SMYD3: variants seen among roughly 807,000 people sequenced by gnomAD.
SMYD3 encodes the protein histone-lysine N-methyltransferase SMYD3.
Under a neutral mutation model 57.7 loss-of-function variants are expected in SMYD3, and 36 were observed. The observed-to-expected ratio is 0.62, with a 90% CI of 0.48 to 0.82. SMYD3 has a LOEUF of 0.82. Among genes scored for constraint, SMYD3 ranks in the 40% least tolerant of loss-of-function variants. SMYD3 has a pLI of 0.00. For synonymous variants in SMYD3, 211 were observed against 195.0 expected, an observed-to-expected ratio of 1.08 and a Z score of -0.68; for missense variants, 515 against 538.8, an observed-to-expected ratio of 0.96 and a Z score of 0.44.
At chr1:245,971,363 G>A (rs57460672) in intron 5 of SMYD3, among the ~76,000 whole-genome samples, 24,486 of 152,002 alleles carry the variant, frequency 0.16, 3,034 homozygotes, top group African/African-American at 0.34. Flanking sequence ...GTTGATGGGT[G>A]CAGCAAACCA....
At chr1:245,783,490 G>C (rs2046913745) in intron 10 of SMYD3, among the ~76,000 whole-genome samples, 3 of 152,000 alleles carry the variant, frequency 2.0e-5, no homozygotes, top group South Asian at 2.1e-4. Context: ...GGGAGAAAAA[G>C]CAAGGATGGC....
intron 5 of SMYD3, among the ~76,000 whole-genome samples, chr1:245,981,565 A>G (rs1201837522): frequency 6.6e-6 from 1 of 152,244 alleles, no homozygotes; most frequent in East Asian, 1.9e-4. Flanking sequence ...AACCCAAAAC[A>G]GCTGTCAGAA....
intron 1 of SMYD3, among the ~76,000 whole-genome samples, chr1:246,362,788 C>T (rs1188553299): frequency 6.6e-6 from 1 of 152,240 alleles, no homozygotes; most frequent in East Asian, 1.9e-4. Context: ...GGCTGGAGTG[C>T]AGTGGCGTGA....
At chr1:246,452,671 C>A (rs1417759240) in intron 1 of SMYD3, among the ~76,000 whole-genome samples, 1 of 152,024 alleles carries the variant, frequency 6.6e-6, no homozygotes, top group Non-Finnish European at 1.5e-5. Context: ...ATACAAGCAA[C>A]CATATAAGTA....
chr1:245,843,570 G>C (rs887792357), intron 10 of SMYD3, among the ~76,000 whole-genome samples: 1 of 117,874 alleles, frequency 8.5e-6, no homozygotes, highest in Non-Finnish European at 1.7e-5. Flanking sequence ...GTGTGTGTGT[G>C]TGTGTGTGTA....
intron 8 of SMYD3, among the ~76,000 whole-genome samples, chr1:245,903,905 G>GC (rs2054367860): frequency 6.6e-6 from 1 of 152,172 alleles, no homozygotes; most frequent in Non-Finnish European, 1.5e-5. Flanking sequence ...GATGGGAGGG[G>GC]CTGCTGTGAA....
In SMYD3 at chr1:246,488,444, T is replaced by C. The variant is rs968010742; in HGVS notation, c.164+18610A>G. Among the ~76,000 whole-genome samples, 11 of 152,290 alleles carry C rather than the reference T, an allele frequency of 7.2e-5. 1 individual carries two copies. In the East Asian group the frequency reaches 2.1e-3, roughly 29 times the overall value. On this transcript the variant is annotated intron_variant, in intron 1 of 11. Coordinates refer to ENST00000490107, the MANE Select transcript of SMYD3 (RefSeq NM_001167740.2). ...GTGGCTCATGCCTGTAATCCCACTT[T>C]GGGAGGCCGAGGCGGGCAGATCACC...
chr1:246,423,129 T>A (rs1280715897), intron 1 of SMYD3, among the ~76,000 whole-genome samples: 1 of 151,810 alleles, frequency 6.6e-6, no homozygotes, highest in Non-Finnish European at 1.5e-5. Flanking sequence ...AAACCCTGTC[T>A]CTTCTAAAAA....
chr1:246,205,656 C>T (rs1211401257), intron 5 of SMYD3, among the ~76,000 whole-genome samples: 2 of 151,856 alleles, frequency 1.3e-5, no homozygotes, highest in Non-Finnish European at 2.9e-5. Context: ...CCCGTCTCTA[C>T]TAAAAATACA....
At chr1:246,451,193 T>C (rs544757914) in intron 1 of SMYD3, among the ~76,000 whole-genome samples, 1 of 152,356 alleles carries the variant, frequency 6.6e-6, no homozygotes, top group African/African-American at 2.4e-5. Context: ...AAATATCTGT[T>C]AGCTGACTGA....
chr1:246,163,030 G>A (rs749408946), intron 5 of SMYD3, among the ~76,000 whole-genome samples: 2 of 152,040 alleles, frequency 1.3e-5, no homozygotes, highest in African/African-American at 2.4e-5. Context: ...TTCCCAGAAC[G>A]CATCAACTAA....
At chr1:246,181,940 G>A (rs940068992) in intron 5 of SMYD3, among the ~76,000 whole-genome samples, 1 of 152,144 alleles carries the variant, frequency 6.6e-6, no homozygotes, top group Non-Finnish European at 1.5e-5. Context: ...TGATCACGTA[G>A]AGATAATTAC....
intron 8 of SMYD3, among the ~76,000 whole-genome samples, chr1:245,884,343 T>A (rs531725119): frequency 6.6e-6 from 1 of 152,228 alleles, no homozygotes; most frequent in East Asian, 1.9e-4. Flanking sequence ...AACGGAGGTT[T>A]AATGGGCAAA....
intron 10 of SMYD3, among the ~76,000 whole-genome samples, chr1:245,784,746 C>T (rs1322476035): frequency 2.6e-5 from 4 of 152,056 alleles, no homozygotes; most frequent in African/African-American, 9.7e-5. Context: ...TCCACCCTAG[C>T]CTTGGAAGTC....
intron 5 of SMYD3, among the ~76,000 whole-genome samples, chr1:246,268,177 G>A (rs1338482236): frequency 1.3e-5 from 2 of 152,098 alleles, no homozygotes; most frequent in East Asian, 1.9e-4. Flanking sequence ...ATGGGAGGTC[G>A]GCACAAGATA....
intron 5 of SMYD3, among the ~76,000 whole-genome samples, chr1:245,936,758 G>A (rs1055732671): frequency 2.0e-4 from 2 of 9,922 alleles, no homozygotes; most frequent in African/African-American, 5.5e-4. Flanking sequence ...AGCTGGGCAT[G>A]ATGCCATGCA....
chr1:246,245,120 C>CTTTTTTTTTTTTTTTTTTTTTTTTTTTT (rs74163421), intron 5 of SMYD3, among the ~76,000 whole-genome samples: 16 of 122,940 alleles, frequency 1.3e-4, no homozygotes, highest in African/African-American at 2.1e-4. Flanking sequence ...CAGCTACTGC[C>CTTTTTTTTTTTTTTTTTTTTTTTTTTTT]TTTTTTTTTT....
At chr1:245,947,647 A>G (rs1400558146) in intron 5 of SMYD3, among the ~76,000 whole-genome samples, 1 of 152,198 alleles carries the variant, frequency 6.6e-6, no homozygotes, top group African/African-American at 2.4e-5. Flanking sequence ...ATGAGAAAAT[A>G]CATGTGGGCC....
intron 1 of SMYD3, among the ~76,000 whole-genome samples, chr1:246,431,861 C>A (rs1284771833): frequency 1.3e-5 from 2 of 152,268 alleles, no homozygotes; most frequent in South Asian, 2.1e-4. Flanking sequence ...TGACTCAATT[C>A]TTTTCTTAAA....
Sources: gnomAD v4.1 joint callset for allele counts (sites outside exome capture counted in the v4.1 genomes callset) on GRCh38, gnomAD v4.1.1 for gene constraint, MANE v1.5 for transcripts, NCBI Gene and HGNC (gene_info 2026-07-23, HGNC 2026-07-21) for gene names.